Variants in MYCBP2 observed in about 807,000 individuals in gnomAD.
MYCBP2 encodes MYC binding protein 2, also known as E3 ubiquitin-protein ligase MYCBP2.
A neutral mutation model predicts 525.3 loss-of-function variants in MYCBP2; 120 were observed. The observed-to-expected ratio is 0.23, with a 90% CI of 0.20 to 0.27. The LOEUF (loss-of-function observed/expected upper bound fraction) is 0.27, where lower values mean the gene tolerates loss of function less well. Ranked by LOEUF, MYCBP2 falls within the 10% of genes least tolerant of loss-of-function variation. MYCBP2 has a pLI of 1.00. For missense variants in MYCBP2, 4,149 were observed against 5,657.1 expected, an observed-to-expected ratio of 0.73 and a Z score of 8.55; for synonymous variants, 1,894 against 1,955.8, an observed-to-expected ratio of 0.97 and a Z score of 0.83.
intron 2 of MYCBP2, among the ~76,000 whole-genome samples, chr13:77,288,958 G>A (rs971924803): frequency 6.6e-6 from 1 of 152,086 alleles, no homozygotes; most frequent in African/African-American, 2.4e-5. Context: ...CATGTGATTG[G>A]TAATTTGTTA....
chr13:77,224,536 C>A lies in MYCBP2; in HGVS notation c.2858-4G>T. The A allele has an allele frequency of 6.3e-7, 1 of 1,583,326 alleles. No homozygotes were observed. Among genetic ancestry groups the A allele is most frequent in the Non-Finnish European group, 8.7e-7 (1 of 1,155,990 alleles). ...TCTCCATTTTCCATTAAAACCACTG[C>A]AACCAAAACACACAGCTTTATTTTT... On this transcript the variant is annotated splice_polypyrimidine_tract_variant and splice_region_variant and intron_variant, in intron 19 of 82. Coordinates refer to ENST00000544440, the MANE Select transcript of MYCBP2 (RefSeq NM_015057.5).
In MYCBP2 at chr13:77,097,597, C is replaced by G. The variant is rs1451072450; in HGVS notation, c.9557G>C (p.Ser3186Thr). ...KAASQNMIFP[S>T]PGSCAVLKKK... ...TTTAAGAACTGCACAGGAACCAGGA[C>G]TTGGAAAAATCATATTCTGGGAAGC... The change falls in exon 56 of 83, where the codon AGT becomes ACT. Residue 3186 changes from serine to threonine, a missense_variant. Coordinates refer to ENST00000544440, the MANE Select transcript of MYCBP2 (RefSeq NM_015057.5). The G allele has an allele frequency of 3.7e-6, 6 of 1,613,502 alleles. No homozygotes were observed. Among genetic ancestry groups the G allele is most frequent in the African/African-American group, 1.3e-5 (1 of 74,972 alleles).
At chr13:77,294,406 A>G (rs2077951974) in intron 2 of MYCBP2, among the ~76,000 whole-genome samples, 2 of 151,966 alleles carry the variant, frequency 1.3e-5, no homozygotes, top group South Asian at 2.1e-4. Context: ...GAATAAATGA[A>G]TGAACTTACT....
Position 77,243,878 on chromosome 13 carries a change from C to T in MYCBP2, c.2455G>A (p.Asp819Asn). ...GCCKACARELDGQEARQRGIL... is the reference protein window; with the variant it reads ...GCCKACARELNGQEARQRGIL... ...CCTCTTTGTCTTGCCTCTTGACCAT[C>T]TAACTCTCTTGCACAGGCCTTGCAA... Residue 819 changes from aspartate (D) to asparagine (N), a missense_variant, in exon 16 of 83, where the codon GAT becomes AAT. Asp to Asn is a conservative substitution (Grantham distance 23). Around this residue, in one of 21 missense-constraint regions of MYCBP2, gnomAD observed 620 missense variants for 795.5 expected, o/e 0.78. Coordinates refer to ENST00000544440, the MANE Select transcript of MYCBP2 (RefSeq NM_015057.5). 6.2e-7 allele frequency: 1 copy of T among 1,612,582 alleles called. No individual in the cohort carries two copies. The highest frequency in any genetic ancestry group is 8.5e-7 in the Non-Finnish European group (1 of 1,179,718).
chr13:77,228,654 G>A (rs920318967), intron 18 of MYCBP2, among the ~76,000 whole-genome samples: 1 of 151,496 alleles, frequency 6.6e-6, no homozygotes, highest in Admixed American at 6.6e-5. Context: ...GGCCATTTAA[G>A]TATGAGCACA....
chr13:77,269,667 A>T (rs187848433), intron 7 of MYCBP2, among the ~76,000 whole-genome samples: 1 of 152,206 alleles, frequency 6.6e-6, no homozygotes, highest in African/African-American at 2.4e-5. Context: ...GTGGTCTTCA[A>T]TTCTTATCTA....
At chr13:77,169,555 C>CT (rs1386536835) in intron 39 of MYCBP2, 59 bp downstream of exon 39, 6 of 1,455,884 alleles carry the variant, frequency 4.1e-6, no homozygotes, top group African/African-American at 1.4e-5. Flanking sequence ...GACACAAAGT[C>CT]TTTTTTTAAA....
chr13:77,065,995 T>C lies in MYCBP2; in HGVS notation c.12549A>G (p.Ala4183=), dbSNP rs1289450488. Reference sequence around the variant, plus strand: ...AAACAGAAGAATGGGAACTTACTGCTGCCATATCCTTGATAAGTTTAATGA... The same window carrying C: ...AAACAGAAGAATGGGAACTTACTGCCGCCATATCCTTGATAAGTTTAATGA... ...EIIIKLIKDM[A]AGHLSEAWSR... The change falls in exon 72 of 83, where the codon GCA becomes GCG. Residue 4183 remains alanine, a synonymous_variant. Transcript: ENST00000544440. 1 of 1,608,620 alleles carries C rather than the reference T, an allele frequency of 6.2e-7. No homozygotes were observed. Among genetic ancestry groups the C allele is most frequent in the Admixed American group, 1.7e-5 (1 of 59,436 alleles).
chr13:77,160,314 G>A (rs1028386369), intron 44 of MYCBP2, among the ~76,000 whole-genome samples: 5 of 152,148 alleles, frequency 3.3e-5, no homozygotes, highest in Admixed American at 6.5e-5. Context: ...GATCGTGGGC[G>A]AACTGCCTAA....
chr13:77,207,493 A>AG (rs1285648649), intron 23 of MYCBP2, among the ~76,000 whole-genome samples: 2 of 152,170 alleles, frequency 1.3e-5, no homozygotes, highest in Non-Finnish European at 2.9e-5. Flanking sequence ...ATAGAGTCTC[A>AG]GTTTTCCAAG....
At chr13:77,197,940 T>A (rs995260196) in intron 26 of MYCBP2, among the ~76,000 whole-genome samples, 2 of 152,088 alleles carry the variant, frequency 1.3e-5, no homozygotes, top group African/African-American at 4.8e-5. Context: ...AAAAACAACA[T>A]ATATGGAAGG....
chr13:77,067,512 A>T, intron 71 of MYCBP2, 69 bp downstream of exon 71: 1 of 1,483,504 alleles, frequency 6.7e-7, no homozygotes, highest in South Asian at 1.3e-5. Context: ...ATCTGAAATT[A>T]TGTCTTAAAT....
At chr13:77,153,591 T>C (rs918966116) in intron 46 of MYCBP2, among the ~76,000 whole-genome samples, 1 of 152,216 alleles carries the variant, frequency 6.6e-6, no homozygotes, top group Non-Finnish European at 1.5e-5. Flanking sequence ...CCATGAACCT[T>C]GAAGTAAATC....
At chr13:77,118,198 A>T in intron 55 of MYCBP2, 2 of 587,436 alleles carry the variant, frequency 3.4e-6, no homozygotes, top group South Asian at 4.3e-5. Flanking sequence ...AATAGCTTAG[A>T]TATTTCAAAA....
At chr13:77,046,970 C>T (rs1187619841) in intron 82 of MYCBP2, among the ~76,000 whole-genome samples, 3 of 152,250 alleles carry the variant, frequency 2.0e-5, no homozygotes, top group Non-Finnish European at 4.4e-5. Context: ...AGATACACAA[C>T]ATATCAATGG....
chr13:77,070,463 T>C (rs968765433), intron 69 of MYCBP2, among the ~76,000 whole-genome samples, 168 bp downstream of exon 69: 2 of 152,110 alleles, frequency 1.3e-5, no homozygotes, highest in Non-Finnish European at 2.9e-5. Flanking sequence ...CTTAGTGTAT[T>C]TTATGTGTAG....
At chr13:77,102,745 C>T (rs1345374795) in intron 55 of MYCBP2, among the ~76,000 whole-genome samples, 1 of 151,568 alleles carries the variant, frequency 6.6e-6, no homozygotes, top group African/African-American at 2.4e-5. Context: ...CTAATTTAAA[C>T]TTAAAAACTT....
intron 2 of MYCBP2, among the ~76,000 whole-genome samples, chr13:77,295,159 G>A (rs998626619): frequency 2.0e-5 from 3 of 152,118 alleles, no homozygotes; most frequent in African/African-American, 4.8e-5. Flanking sequence ...TTTTTGAGAC[G>A]GAGTCTTACT....
chr13:77,064,710 G>C lies in MYCBP2; in HGVS notation c.12577C>G (p.Arg4193Gly). Reference sequence around the variant, plus strand: ...TCTGCAATAGCATTTTTTGTCACTCGGGACCAAGCTTCTGACAGATGACCC... The same window carrying C: ...TCTGCAATAGCATTTTTTGTCACTCCGGACCAAGCTTCTGACAGATGACCC... ...AAGHLSEAWS[R>G]VTKNAIAETI... Residue 4193 changes from arginine to glycine, a missense_variant, in exon 73 of 83, where the codon CGA (arginine) becomes GGA (glycine). Physicochemically the swap from Arg to Gly is moderately radical, Grantham distance 125. Coordinates refer to ENST00000544440, the MANE Select transcript of MYCBP2 (RefSeq NM_015057.5). 1 of 1,613,656 alleles carries C rather than the reference G, an allele frequency of 6.2e-7. No homozygotes were observed. Among genetic ancestry groups the C allele is most frequent in the South Asian group, 1.1e-5 (1 of 91,050 alleles).
Sources: gnomAD v4.1 joint callset for allele counts (sites outside exome capture counted in the v4.1 genomes callset) on GRCh38, gnomAD v4.1.1 for gene constraint, gnomAD v4.1.1 regional missense constraint, MANE v1.5 for transcripts, NCBI Gene and HGNC (gene_info 2026-07-23, HGNC 2026-07-21) for gene names.